Variants in ZNF480 observed in about 807,000 individuals in gnomAD.
ZNF480 encodes zinc finger protein 480.
Under a neutral mutation model 14.4 loss-of-function variants are expected in ZNF480, and 15 were observed. That is an observed-to-expected ratio of 1.04 (90% CI 0.70 to 1.60). The LOEUF (loss-of-function observed/expected upper bound fraction) is 1.60, where lower values mean the gene tolerates loss of function less well. ZNF480 is among the 40% of genes most tolerant of loss of function. The pLI is 0.00. For missense variants in ZNF480, 593 were observed against 629.7 expected (o/e 0.94, Z 0.62); for synonymous variants, 218 against 215.5 (o/e 1.01, Z -0.10).
In ZNF480 at chr19:52,299,432, C is replaced by T. The variant is rs149615685; in HGVS notation, c.-19-962C>T. Reference sequence around the variant, plus strand: ...TGGGGGCTCAGTTCCACAAGGCTGCCGCTACTTCACGTGCTGGTTGTAAGT... The same window carrying T: ...TGGGGGCTCAGTTCCACAAGGCTGCTGCTACTTCACGTGCTGGTTGTAAGT... On this transcript the variant is annotated intron_variant, in intron 1 of 4. Coordinates refer to ENST00000595962, the MANE Select transcript of ZNF480 (RefSeq NM_144684.4). 8.6e-4 allele frequency among the ~76,000 whole-genome samples: 131 copies of T among 152,286 alleles called. 1 individual carries two copies. The highest frequency in any genetic ancestry group is 2.9e-3 in the African/African-American group (122 of 41,576).
chr19:52,312,738 C>T lies in ZNF480; in HGVS notation c.73-1415C>T, dbSNP rs113116800. 4.5e-3 allele frequency among the ~76,000 whole-genome samples: 681 copies of T among 152,188 alleles called. 3 individuals are homozygous for T. Among genetic ancestry groups the T allele is most frequent in the African/African-American group, 0.016 (651 of 41,518 alleles). On this transcript the variant is annotated intron_variant, in intron 2 of 4. Transcript: ENST00000595962. ...GCTTTTGTTGTTATAGGAGTTAGTACATGTAAAGCATTTAGAATAGTGCCT... is the reference window on the plus strand; with the variant it reads ...GCTTTTGTTGTTATAGGAGTTAGTATATGTAAAGCATTTAGAATAGTGCCT...
At chr19:52,301,644 A>G (rs1192101922) in intron 2 of ZNF480, 1 of 152,086 alleles carries the variant, frequency 6.6e-6, no homozygotes. Context: ...TTTTCTGCCA[A>G]TTATTTACGT....
rs906073489 is a variant in ZNF480, at chr19:52,303,892, T to C, written c.72+3408T>C. On this transcript the variant is annotated intron_variant, in intron 2 of 4. Coordinates refer to ENST00000595962, the MANE Select transcript of ZNF480 (RefSeq NM_144684.4). ...TTTCTGTGGCACTACTGTAGTGTCA[T>C]TTACTAAGGTCCCTAAGTAGGAGTA... Among the ~76,000 whole-genome samples, 5 of 152,332 alleles carry C rather than the reference T, an allele frequency of 3.3e-5. No homozygotes were observed. In the South Asian group the frequency reaches 1.0e-3, roughly 32 times the overall value.
chr19:52,317,173 A>G (rs1983599079), intron 4 of ZNF480, among the ~76,000 whole-genome samples: 3 of 151,794 alleles, frequency 2.0e-5, no homozygotes. Flanking sequence ...GCACACCACC[A>G]TACCCAGCTA....
chr19:52,316,592 A>G (rs1029042974), intron 4 of ZNF480, among the ~76,000 whole-genome samples: 2 of 152,102 alleles, frequency 1.3e-5, no homozygotes, highest in Non-Finnish European at 2.9e-5. Flanking sequence ...GGCTTAAGCA[A>G]TCCTCCTGCC....
intron 3 of ZNF480, among the ~76,000 whole-genome samples, chr19:52,315,412 G>T (rs1263876637): frequency 6.6e-6 from 1 of 151,838 alleles, no homozygotes; most frequent in African/African-American, 2.4e-5. Context: ...GCCTCCTGGG[G>T]TCAAATGATT....
intron 2 of ZNF480, chr19:52,313,738 C>T: frequency 2.5e-6 from 1 of 398,418 alleles, no homozygotes; most frequent in East Asian, 8.3e-5. Context: ...ACCTGTAATC[C>T]CAGCACTTAG....
Position 52,322,508 on chromosome 19 carries a change from A to T in ZNF480, c.1258A>T (p.Ile420Phe). ...TTCAAATCTTGCACGACATCGAAGAATTCATACTGGAGAGAAGCCTTACAA... is the reference window on the plus strand; with the variant it reads ...TTCAAATCTTGCACGACATCGAAGATTTCATACTGGAGAGAAGCCTTACAA... ...QLSNLARHRR[I>F]HTGEKPYKCN... The change falls in exon 5 of 5, where the codon ATT becomes TTT. Residue 420 changes from isoleucine to phenylalanine, a missense_variant. Coordinates refer to ENST00000595962, the MANE Select transcript of ZNF480 (RefSeq NM_144684.4). 6.2e-7 allele frequency: 1 copy of T among 1,614,144 alleles called. No homozygotes were observed. The highest frequency in any genetic ancestry group is 8.5e-7 in the Non-Finnish European group (1 of 1,179,990).
At chr19:52,311,499 G>A (rs1983285816) in intron 2 of ZNF480, among the ~76,000 whole-genome samples, 1 of 151,862 alleles carries the variant, frequency 6.6e-6, no homozygotes, top group Admixed American at 6.6e-5. Context: ...TTTGAATCTG[G>A]GTATTTAATA....
intron 2 of ZNF480, chr19:52,302,099 T>C: frequency 4.1e-6 from 1 of 245,038 alleles, no homozygotes; most frequent in Non-Finnish European, 8.1e-6. Flanking sequence ...TCAGGTGTCT[T>C]AATGGTATCC....
At position 52,321,660 on chromosome 19, in the gene ZNF480, C is replaced by T. The variant is rs1364311508; in HGVS notation, c.410C>T (p.Ser137Phe). ...QLGVSFHLHLSELELFPDERV... is the reference protein window; with the variant it reads ...QLGVSFHLHLFELELFPDERV... ...GGAGTATCCTTTCACTTACATCTGT[C>T]TGAACTGGAGCTATTTCCAGATGAA... The change falls in exon 5 of 5, where the codon TCT becomes TTT. Residue 137 changes from serine (S) to phenylalanine (F), a missense_variant. Physicochemically the swap from Ser to Phe is radical, Grantham distance 155. Transcript: ENST00000595962. The T allele has an allele frequency of 1.2e-6, 2 of 1,613,836 alleles. No homozygotes were observed. The highest frequency in any genetic ancestry group is 8.5e-7 in the Non-Finnish European group (1 of 1,179,910).
rs1228317868 is a variant in ZNF480 at position 52,314,259 on chromosome 19, A to G, written c.179A>G (p.Tyr60Cys). The change falls in exon 3 of 5, where the codon TAC becomes TGC. Residue 60 changes from tyrosine (Y) to cysteine (C), a missense_variant. Physicochemically the swap from Tyr to Cys is radical, Grantham distance 194. Transcript: ENST00000595962. ...ALYKDVMLEN[Y>C]RNLVSLGISL... is the part of the protein sequence containing the mutation. ...TACAAGGATGTGATGTTGGAGAACTACAGGAACCTGGTCTCCCTGGGTGAG... is the reference window on the plus strand; with the variant it reads ...TACAAGGATGTGATGTTGGAGAACTGCAGGAACCTGGTCTCCCTGGGTGAG... 33 of 1,569,588 alleles carry G rather than the reference A, an allele frequency of 2.1e-5. No homozygotes were observed. The highest frequency in any genetic ancestry group is 2.8e-5 in the Non-Finnish European group (32 of 1,152,254).
intron 2 of ZNF480, chr19:52,307,367 C>CT (rs1982986230): frequency 6.6e-6 from 1 of 152,240 alleles, no homozygotes; most frequent in Non-Finnish European, 1.5e-5. Context: ...TACCCTGATG[C>CT]TTCTGAGCTC....
In ZNF480 at chr19:52,300,334, G is replaced by A. The variant is rs1477802255; in HGVS notation, c.-19-60G>A. On this transcript the variant is annotated intron_variant, in intron 1 of 4. Coordinates refer to ENST00000595962, the MANE Select transcript of ZNF480 (RefSeq NM_144684.4). ...TGAGGTCTAACCTGTGTGTGTGATT[G>A]TGGCACAGGAAAAGGGTGTGTTGAT... The A allele has an allele frequency of 6.4e-6, 10 of 1,560,678 alleles. No individual in the cohort carries two copies. In the Admixed American group the frequency reaches 1.7e-4, roughly 27 times the overall value.
At position 52,306,411 on chromosome 19, in the gene ZNF480, T is replaced by C. The variant is rs576725101; in HGVS notation, c.72+5927T>C. 1.2e-3 allele frequency among the ~76,000 whole-genome samples: 185 copies of C among 152,284 alleles called. 2 individuals carry two copies. The highest frequency in any genetic ancestry group is 2.1e-3 in the Non-Finnish European group (143 of 68,022). On this transcript the variant is annotated intron_variant, in intron 2 of 4. Transcript: ENST00000595962. ...TATGGCATCATCCCACATAACCACTTGTGCATCTAAACCACCCCAGCCACC... is the reference window on the plus strand; with the variant it reads ...TATGGCATCATCCCACATAACCACTCGTGCATCTAAACCACCCCAGCCACC...
At chr19:52,302,495 A>T (rs541977355) in intron 2 of ZNF480, among the ~76,000 whole-genome samples, 8 of 152,338 alleles carry the variant, frequency 5.3e-5, no homozygotes, top group African/African-American at 1.9e-4. Flanking sequence ...GAGCTTGGCT[A>T]GTACGGCCTT....
intron 4 of ZNF480, among the ~76,000 whole-genome samples, chr19:52,321,168 T>A (rs1983791214): frequency 2.6e-5 from 4 of 152,186 alleles, no homozygotes; most frequent in Admixed American, 6.5e-5. Context: ...GGAGATCTTT[T>A]CTAATTAGCC....
rs1187407441 is a variant in ZNF480 at position 52,315,817 on chromosome 19, T to TC, written c.200-17_200-16insC. 6.2e-7 allele frequency: 1 copy of TC among 1,600,222 alleles called. No homozygotes were observed. The highest frequency in any genetic ancestry group is 1.1e-5 in the South Asian group (1 of 89,362). On this transcript the variant is annotated splice_polypyrimidine_tract_variant and intron_variant, in intron 3 of 4. Coordinates refer to ENST00000595962, the MANE Select transcript of ZNF480 (RefSeq NM_144684.4). ...GGAGATGCTACAGCACATTTTGATTTTTTTTTTTACAAACAGGAATCTCTC... is the reference window on the plus strand; with the variant it reads ...GGAGATGCTACAGCACATTTTGATTTCTTTTTTTTACAAACAGGAATCTCTC...
chr19:52,319,664 C>T (rs1600221353), intron 4 of ZNF480, among the ~76,000 whole-genome samples: 1 of 152,066 alleles, frequency 6.6e-6, no homozygotes, highest in Admixed American at 6.6e-5. Flanking sequence ...ATTATTTCTT[C>T]AGTTGCAATT....
Sources: gnomAD v4.1 joint callset for allele counts (sites outside exome capture counted in the v4.1 genomes callset) on GRCh38, gnomAD v4.1.1 for gene constraint, MANE v1.5 for transcripts, NCBI Gene and HGNC (gene_info 2026-07-23, HGNC 2026-07-21) for gene names.